LTBP1: variants seen among roughly 807,000 people sequenced by gnomAD.
The protein encoded by LTBP1 is latent-transforming growth factor beta-binding protein 1.
A neutral mutation model predicts 207.6 loss-of-function variants in LTBP1; 129 were observed. The observed-to-expected ratio is 0.62, with a 90% CI of 0.54 to 0.72. The LOEUF (loss-of-function observed/expected upper bound fraction) is 0.72. Ranked by LOEUF, LTBP1 falls within the 30% of genes least tolerant of loss-of-function variation. LTBP1 has a pLI of 0.00. For missense variants in LTBP1, 2,281 were observed against 2,217.2 expected (o/e 1.03, Z -0.58); for synonymous variants, 963 against 833.7 (o/e 1.16, Z -2.67).
chr2:33,224,387 T>C (rs553539242), intron 9 of LTBP1, among the ~76,000 whole-genome samples: 30 of 152,346 alleles, frequency 2.0e-4, no homozygotes, highest in African/African-American at 7.0e-4. Context: ...TTTCTCTTAA[T>C]GTCAAATGGA....
intron 2 of LTBP1, among the ~76,000 whole-genome samples, chr2:32,980,813 C>T (rs747592655): frequency 6.6e-6 from 1 of 152,110 alleles, no homozygotes; most frequent in Non-Finnish European, 1.5e-5. Context: ...GTCTTTATTT[C>T]TCCTTCATGT....
chr2:33,286,272 A>G (rs974973159), intron 19 of LTBP1, among the ~76,000 whole-genome samples: 2 of 152,246 alleles, frequency 1.3e-5, no homozygotes, highest in African/African-American at 2.4e-5. Flanking sequence ...ATTTAGTATC[A>G]TTCAGTCTAC....
chr2:33,330,111 G>A (rs929290646), intron 24 of LTBP1, among the ~76,000 whole-genome samples: 1 of 151,876 alleles, frequency 6.6e-6, no homozygotes, highest in African/African-American at 2.4e-5. Flanking sequence ...CTTATTCCTA[G>A]GTCTTCAAGA....
chr2:33,236,643 C>T (rs1197186154), intron 9 of LTBP1, among the ~76,000 whole-genome samples: 2 of 152,150 alleles, frequency 1.3e-5, no homozygotes, highest in Non-Finnish European at 2.9e-5. Context: ...TTTTCAATAG[C>T]TCTTTGACCT....
chr2:33,214,443 ACT>A (rs984322667), intron 7 of LTBP1, among the ~76,000 whole-genome samples: 2 of 151,012 alleles, frequency 1.3e-5, no homozygotes, highest in Non-Finnish European at 3.0e-5. Flanking sequence ...TCTTCTCCCC[ACT>A]CTGCGTGTAC....
intron 2 of LTBP1, among the ~76,000 whole-genome samples, chr2:32,956,279 T>C (rs1678059080): frequency 6.6e-6 from 1 of 152,368 alleles, no homozygotes; most frequent in South Asian, 2.1e-4. Context: ...CAGTGCTGTT[T>C]GATAGCATTT....
intron 26 of LTBP1, 37 bp downstream of exon 26, chr2:33,347,547 C>A: frequency 6.2e-7 from 1 of 1,611,972 alleles, no homozygotes; most frequent in Non-Finnish European, 8.5e-7. Context: ...GAATGACAGG[C>A]TCCTCTCAAA....
chr2:33,158,148 C>CAAAAAAAAAAAAAAA (rs59789805), intron 5 of LTBP1, among the ~76,000 whole-genome samples: 2 of 113,926 alleles, frequency 1.8e-5, no homozygotes, highest in African/African-American at 3.4e-5. Flanking sequence ...AAAAAAAAAA[C>CAAAAAAAAAAAAAAA]AAAAAAAAAA....
chr2:33,136,938 G>A (rs564674564), intron 5 of LTBP1, among the ~76,000 whole-genome samples: 1 of 152,296 alleles, frequency 6.6e-6, no homozygotes, highest in Non-Finnish European at 1.5e-5. Flanking sequence ...GAAAAGTAGA[G>A]GATGGGGTGA....
At chr2:33,199,180 T>C (rs1407001355) in intron 7 of LTBP1, among the ~76,000 whole-genome samples, 4 of 152,188 alleles carry the variant, frequency 2.6e-5, no homozygotes, top group Admixed American at 1.3e-4. Flanking sequence ...CAGGAGCAGG[T>C]TGTTCAGTTT....
Position 32,947,752 on chromosome 2 carries a change from T to A in LTBP1, c.428T>A (p.Val143Glu). ...KQGRQVVRSK[V>E]PQETQSGGGS... is the part of the protein sequence containing the mutation. The stretch of plus-strand genomic sequence containing the variant: ...GGCAGGCAAGTTGTGCGCTCCAAGG[T>A]GCCGCAGGAGACCCAGAGCGGCGGA... Residue 143 changes from valine (V) to glutamate (E), a missense_variant, in exon 1 of 34, where the codon GTG becomes GAG. Val to Glu is a moderately radical substitution (Grantham distance 121, BLOSUM62 -2). Around this residue, in one of 3 missense-constraint regions of LTBP1, gnomAD observed 555 missense variants for 491.0 expected, o/e 1.13. Transcript: ENST00000404816. 6.5e-7 allele frequency: 1 copy of A among 1,531,556 alleles called. No homozygotes were observed. The highest frequency in any genetic ancestry group is 8.8e-7 in the Non-Finnish European group (1 of 1,140,032). 94.9% of individuals were successfully genotyped at this position (1,531,556 alleles called of 1,614,324 possible). A position where few individuals can be genotyped will look rare whatever the true frequency, so the allele number is the denominator to read the frequency against.
chr2:32,958,389 A>G (rs1224277158), intron 2 of LTBP1, among the ~76,000 whole-genome samples: 9 of 152,156 alleles, frequency 5.9e-5, no homozygotes, highest in Non-Finnish European at 1.3e-4. Flanking sequence ...TGCTTCTTCC[A>G]TGCCCCTCTT....
intron 9 of LTBP1, among the ~76,000 whole-genome samples, chr2:33,240,645 CTTTTTTTTTTTT>C (rs869193074): frequency 1.3e-4 from 13 of 100,806 alleles, no homozygotes; most frequent in Admixed American, 4.5e-4. Flanking sequence ...TGGAAACATT[CTTTTTTTTTTTT>C]TTTTTTTTTT....
intron 28 of LTBP1, among the ~76,000 whole-genome samples, chr2:33,363,068 C>CA (rs2094944778): frequency 6.6e-6 from 1 of 152,110 alleles, no homozygotes; most frequent in Non-Finnish European, 1.5e-5. Context: ...AGGTATATAT[C>CA]CTTTTGTTGA....
At chr2:33,058,546 A>G (rs566347030) in intron 3 of LTBP1, among the ~76,000 whole-genome samples, 2 of 152,298 alleles carry the variant, frequency 1.3e-5, no homozygotes, top group East Asian at 3.9e-4. Flanking sequence ...ATTCTGAAGT[A>G]TTTTCCAGAT....
At chr2:33,383,245 C>G (rs1268202105) in intron 31 of LTBP1, among the ~76,000 whole-genome samples, 2 of 152,072 alleles carry the variant, frequency 1.3e-5, no homozygotes, top group Admixed American at 6.6e-5. Context: ...CCCAGCTACT[C>G]GGGAGGCTGA....
At chr2:32,949,810 T>A (rs1452349555) in intron 2 of LTBP1, among the ~76,000 whole-genome samples, 1 of 152,234 alleles carries the variant, frequency 6.6e-6, no homozygotes, top group East Asian at 1.9e-4. Context: ...GGATGAATTT[T>A]AAAAATTTTG....
chr2:33,347,624 C>T (rs1309495556), intron 26 of LTBP1, 114 bp downstream of exon 26: 6 of 1,247,334 alleles, frequency 4.8e-6, no homozygotes, highest in African/African-American at 3.0e-5. Flanking sequence ...GATGTCCTGA[C>T]ACAGTGCTGT....
intron 24 of LTBP1, among the ~76,000 whole-genome samples, chr2:33,323,476 A>C (rs1238241434): frequency 1.3e-5 from 2 of 152,142 alleles, no homozygotes; most frequent in Non-Finnish European, 2.9e-5. Flanking sequence ...ATCTCTACTA[A>C]AAATGCAAAA....
Sources: allele counts gnomAD v4.1 joint callset (sites outside exome capture counted in the v4.1 genomes callset), GRCh38; gene constraint gnomAD v4.1.1; regional missense constraint gnomAD v4.1.1; transcripts MANE v1.5; gene names NCBI Gene and HGNC (gene_info 2026-07-23, HGNC 2026-07-21).